MYT1L: variants seen among roughly 807,000 people sequenced by gnomAD.
MYT1L encodes myelin transcription factor 1 like.
In MYT1L, 12 loss-of-function variants were observed where a neutral mutation model predicts 126.7. The observed-to-expected ratio is 0.09, with a 90% CI of 0.06 to 0.15. The LOEUF is 0.15. Ranked by LOEUF, MYT1L falls within the 10% of genes least tolerant of loss-of-function variation. The pLI is 1.00. For missense variants in MYT1L, 979 were observed against 1,585.2 expected (o/e 0.62, Z 6.49); for synonymous variants, 541 against 604.2 (o/e 0.90, Z 1.53).
At chr2:2,292,758 A>G (rs2095618091) in intron 1 of MYT1L, among the ~76,000 whole-genome samples, 2 of 152,194 alleles carry the variant, frequency 1.3e-5, no homozygotes, top group African/African-American at 4.8e-5. Flanking sequence ...ATCACAAGCA[A>G]GTTTGCTTCC....
chr2:2,233,225 C>T (rs773876877), intron 2 of MYT1L, among the ~76,000 whole-genome samples: 3 of 152,154 alleles, frequency 2.0e-5, no homozygotes, highest in East Asian at 1.9e-4. Context: ...AGATGATCAG[C>T]GAGTGACAGG....
chr2:1,882,377 G>A (rs768122230), intron 18 of MYT1L, among the ~76,000 whole-genome samples: 9 of 151,990 alleles, frequency 5.9e-5, no homozygotes, highest in Non-Finnish European at 1.3e-4. Flanking sequence ...GGTGAGCCAA[G>A]TCAGCTGCCG....
chr2:2,219,808 T>C (rs1179064295), intron 2 of MYT1L, among the ~76,000 whole-genome samples: 1 of 151,284 alleles, frequency 6.6e-6, no homozygotes, highest in Non-Finnish European at 1.5e-5. Flanking sequence ...CCCTGTCTCC[T>C]TTTTTCGGTG....
chr2:1,834,155 G>T (rs1451772520), intron 21 of MYT1L, among the ~76,000 whole-genome samples: 1 of 152,212 alleles, frequency 6.6e-6, no homozygotes. Context: ...ATCTGTTCTT[G>T]CTGCTGCTTC....
chr2:1,809,240 C>T, intron 21 of MYT1L, 73 bp from the exon 22 acceptor site: 2 of 1,415,900 alleles, frequency 1.4e-6, no homozygotes, highest in Non-Finnish European at 2.0e-6. Flanking sequence ...TGGTGGTAAG[C>T]AAGGCGTAGA....
intron 11 of MYT1L, among the ~76,000 whole-genome samples, chr2:1,914,534 C>A (rs1247839425): frequency 6.6e-6 from 1 of 152,128 alleles, no homozygotes; most frequent in Non-Finnish European, 1.5e-5. Context: ...ATCCAGGTAG[C>A]CACCTCTGCA....
chr2:2,144,857 C>T (rs998413675), intron 3 of MYT1L, among the ~76,000 whole-genome samples: 8 of 152,188 alleles, frequency 5.3e-5, no homozygotes, highest in Non-Finnish European at 1.2e-4. Context: ...CACCTCACCA[C>T]CTTTCTCTTG....
At chr2:1,994,086 C>T (rs2061641653) in intron 5 of MYT1L, among the ~76,000 whole-genome samples, 2 of 152,196 alleles carry the variant, frequency 1.3e-5, no homozygotes, top group Admixed American at 6.5e-5. Context: ...CTATTTTGCT[C>T]ATGGTATTTT....
chr2:1,914,471 C>T (rs2052526195), intron 11 of MYT1L, among the ~76,000 whole-genome samples: 1 of 152,022 alleles, frequency 6.6e-6, no homozygotes. Context: ...CTTTATGCCT[C>T]CTCCCTAAGC....
intron 1 of MYT1L, among the ~76,000 whole-genome samples, chr2:2,290,418 C>T (rs1409880643): frequency 6.6e-6 from 1 of 152,184 alleles, no homozygotes; most frequent in African/African-American, 2.4e-5. Context: ...TGCTTTATCA[C>T]ATGCCATATA....
intron 18 of MYT1L, chr2:1,885,215 A>G (rs1490930721): frequency 6.6e-6 from 1 of 152,428 alleles, no homozygotes; most frequent in African/African-American, 2.4e-5. Flanking sequence ...TGTTTTGACC[A>G]TGAGGGAAAT....
At chr2:1,872,023 G>T (rs545254343) in intron 18 of MYT1L, among the ~76,000 whole-genome samples, 271 of 152,278 alleles carry the variant, frequency 1.8e-3, no homozygotes, top group Non-Finnish European at 2.6e-3. Context: ...TACTTGATGG[G>T]TAACTGATCA....
intron 1 of MYT1L, among the ~76,000 whole-genome samples, chr2:2,323,413 C>G (rs762269012): frequency 6.6e-5 from 10 of 152,108 alleles, no homozygotes. Flanking sequence ...ACAATTTCTA[C>G]TTGAGTTCTA....
intron 8 of MYT1L, among the ~76,000 whole-genome samples, chr2:1,950,161 A>G (rs1011202165): frequency 6.6e-6 from 1 of 151,980 alleles, no homozygotes. Context: ...CTTGTGTAAA[A>G]TCACAGAGCT....
At chr2:1,915,415 G>A (rs2052675782) in intron 11 of MYT1L, among the ~76,000 whole-genome samples, 2 of 152,244 alleles carry the variant, frequency 1.3e-5, no homozygotes, top group South Asian at 4.1e-4. Flanking sequence ...GGCGCGAAGG[G>A]CACCTTGCCA....
rs1415626394 is a variant in MYT1L, at chr2:1,848,764, C to T, written c.2774+2877G>A. On this transcript the variant is annotated intron_variant, in intron 19 of 24. Transcript: ENST00000647738. The surrounding 1 kb of genome is among the most constrained non-coding windows in gnomAD (Gnocchi z 4.8). ...GCACTTGTTTTGCTGGGGCCTCCAT[C>T]TTCCTTTAGCGGGGGCTTTATGTAA... is the stretch of plus-strand genomic sequence containing the variant. Among the ~76,000 whole-genome samples the T allele has an allele frequency of 6.6e-6, 1 of 152,154 alleles. No individual in the cohort carries two copies. The highest frequency in any genetic ancestry group is 1.5e-5 in the Non-Finnish European group (1 of 68,028).
chr2:2,216,392 A>G (rs887843094), intron 2 of MYT1L, among the ~76,000 whole-genome samples: 2 of 150,796 alleles, frequency 1.3e-5, no homozygotes, highest in Admixed American at 1.3e-4. Flanking sequence ...TGGAAATTAA[A>G]TAACACATTT....
intron 3 of MYT1L, among the ~76,000 whole-genome samples, chr2:2,155,874 C>G (rs144071035): frequency 2.8e-4 from 42 of 152,262 alleles, no homozygotes; most frequent in African/African-American, 9.9e-4. Flanking sequence ...AGGTTCAAAA[C>G]CATGTTCCAT....
At chr2:2,039,417 CT>C (rs1285828012) in intron 4 of MYT1L, among the ~76,000 whole-genome samples, 1 of 151,654 alleles carries the variant, frequency 6.6e-6, no homozygotes, top group Non-Finnish European at 1.5e-5. Context: ...AAAAAAAAAT[CT>C]ACATATGACC....
Sources: gnomAD v4.1 joint callset for allele counts (sites outside exome capture counted in the v4.1 genomes callset) on GRCh38, gnomAD v4.1.1 for gene constraint, Gnocchi (gnomAD v3.1) non-coding constraint, MANE v1.5 for transcripts, NCBI Gene and HGNC (gene_info 2026-07-23, HGNC 2026-07-21) for gene names.